The following SCARB1 variants were observed in gnomAD, a reference collection of about 807,000 sequenced individuals.
The protein encoded by SCARB1 is CD36 and LIMPII analogous 1.
A neutral mutation model predicts 57.2 loss-of-function variants in SCARB1; 30 were observed. The observed-to-expected ratio is 0.52, with a 90% CI of 0.39 to 0.71. The LOEUF is 0.71. Among genes scored for constraint, SCARB1 ranks in the 30% least tolerant of loss-of-function variants. The pLI is 0.00. For synonymous variants in SCARB1, 249 were observed against 268.3 expected (o/e 0.93, Z 0.70); for missense variants, 543 against 671.2 (o/e 0.81, Z 2.11).
chr12:124,821,322 C>G (rs1437398408), intron 1 of SCARB1: 1 of 964,644 alleles, frequency 1.0e-6, no homozygotes, highest in Admixed American at 6.2e-5. Context: ...CCCTCTCCCA[C>G]CTGGTTTCTC....
intron 1 of SCARB1, among the ~76,000 whole-genome samples, chr12:124,832,212 T>A (rs1951425018): frequency 6.6e-6 from 1 of 152,170 alleles, no homozygotes; most frequent in African/African-American, 2.4e-5. Flanking sequence ...TCTTCCCAAT[T>A]TTTCTGAAAG....
At position 124,789,778 on chromosome 12, in the gene SCARB1, C is replaced by T. The variant is rs373189945; in HGVS notation, c.1203-2321G>A. On this transcript the variant is annotated intron_variant, in intron 9 of 12. Coordinates refer to ENST00000261693, the MANE Select transcript of SCARB1 (RefSeq NM_005505.5). The surrounding 1 kb of genome is among the most constrained non-coding windows in gnomAD (Gnocchi z 4.4). ...CTGTAATCCCAGCACTTTGGGAGGC[C>T]GAGGCAGGTGGATCACAAGGTCAGG... Among the ~76,000 whole-genome samples the T allele has an allele frequency of 4.1e-3, 606 of 148,242 alleles. 3 individuals are homozygous for T. The highest frequency in any genetic ancestry group is 0.014 in the African/African-American group (556 of 40,214).
chr12:124,853,276 T>A (rs1952492785), intron 1 of SCARB1, among the ~76,000 whole-genome samples: 1 of 151,640 alleles, frequency 6.6e-6, no homozygotes, highest in African/African-American at 2.4e-5. Flanking sequence ...TGCAGTGGGG[T>A]GAGAATGCTG....
chr12:124,843,971 C>T (rs1426897476), intron 1 of SCARB1, among the ~76,000 whole-genome samples: 2 of 152,168 alleles, frequency 1.3e-5, no homozygotes, highest in Non-Finnish European at 2.9e-5. Context: ...GGAGGGTGAA[C>T]AGCAGTGGCC....
At chr12:124,790,249 A>G (rs1594199096) in intron 9 of SCARB1, among the ~76,000 whole-genome samples, 1 of 152,064 alleles carries the variant, frequency 6.6e-6, no homozygotes, top group East Asian at 1.9e-4. Flanking sequence ...ATGGTGGCAC[A>G]TGCCTGTAGT....
At chr12:124,836,653 A>G (rs4765624) in intron 1 of SCARB1, among the ~76,000 whole-genome samples, 92,384 of 151,698 alleles carry the variant, frequency 0.61, 28,566 homozygotes, top group East Asian at 0.72. Context: ...AATTTGCCAA[A>G]TGTGGTAGTG....
At chr12:124,860,162 G>C (rs189399704) in intron 1 of SCARB1, among the ~76,000 whole-genome samples, 1 of 152,136 alleles carries the variant, frequency 6.6e-6, no homozygotes, top group Non-Finnish European at 1.5e-5. Flanking sequence ...ATGTTGGCCA[G>C]GCTGGTCTCA....
At chr12:124,859,695 C>A (rs187703543) in intron 1 of SCARB1, among the ~76,000 whole-genome samples, 1 of 152,066 alleles carries the variant, frequency 6.6e-6, no homozygotes, top group Admixed American at 6.6e-5. Flanking sequence ...AATGGCAGGG[C>A]GCGGTGGTTC....
intron 1 of SCARB1, among the ~76,000 whole-genome samples, chr12:124,835,858 A>G (rs1421540684): frequency 6.6e-6 from 1 of 152,240 alleles, no homozygotes; most frequent in Non-Finnish European, 1.5e-5. Context: ...CACGTGGCCC[A>G]GCCCGCTGGA....
intron 11 of SCARB1, chr12:124,785,914 T>G: frequency 1.4e-6 from 1 of 714,068 alleles, no homozygotes; most frequent in South Asian, 2.1e-5. Context: ...AAATTATCTT[T>G]TCTGCTGATT....
At chr12:124,856,441 G>A (rs140126394) in intron 1 of SCARB1, among the ~76,000 whole-genome samples, 19 of 152,368 alleles carry the variant, frequency 1.2e-4, no homozygotes, top group African/African-American at 4.1e-4. Flanking sequence ...AAGACAGGGA[G>A]AGGCAAATCT....
Position 124,781,578 on chromosome 12 carries a change from G to A in SCARB1, c.*1105C>T, listed in dbSNP as rs139595644. ...CCAAGGAAACGCAGAACCCCCAGGG[G>A]CATCAGCCTATGTTCCCAGCAGATA... On this transcript the variant is annotated intron_variant, in intron 12 of 12. Transcript: ENST00000261693. Among the ~76,000 whole-genome samples, 12 of 152,222 alleles carry A rather than the reference G, an allele frequency of 7.9e-5. No homozygotes were observed. The East Asian group carries it at 2.1e-3, about 27-fold the overall frequency.
intron 1 of SCARB1, among the ~76,000 whole-genome samples, chr12:124,836,530 C>T (rs1276237431): frequency 1.3e-5 from 2 of 152,220 alleles, no homozygotes; most frequent in African/African-American, 4.8e-5. Flanking sequence ...TGGTGGCTCA[C>T]ACCTGTAATC....
At chr12:124,861,392 T>C (rs760692176) in intron 1 of SCARB1, among the ~76,000 whole-genome samples, 2 of 152,158 alleles carry the variant, frequency 1.3e-5, no homozygotes, top group African/African-American at 2.4e-5. Context: ...ACTTTTCATC[T>C]GCAGTTGATT....
chr12:124,811,038 C>T (rs149927889), intron 5 of SCARB1, among the ~76,000 whole-genome samples: 194 of 152,118 alleles, frequency 1.3e-3, no homozygotes, highest in African/African-American at 4.4e-3. Context: ...GAAAAGGTCA[C>T]GAAGGTGAAA....
chr12:124,820,689 G>C (rs562770555), intron 1 of SCARB1, among the ~76,000 whole-genome samples: 1 of 152,156 alleles, frequency 6.6e-6, no homozygotes, highest in Non-Finnish European at 1.5e-5. Context: ...TCCAGCTGCT[G>C]GTGCTCCCCC....
chr12:124,857,412 C>G (rs965711063), intron 1 of SCARB1, among the ~76,000 whole-genome samples: 22 of 152,232 alleles, frequency 1.4e-4, no homozygotes, highest in African/African-American at 5.3e-4. Context: ...GGCACAAACT[C>G]AGGGACAGCC....
At chr12:124,833,192 A>G (rs947188792) in intron 1 of SCARB1, among the ~76,000 whole-genome samples, 1 of 101,712 alleles carries the variant, frequency 9.8e-6, no homozygotes, top group Admixed American at 1.1e-4. Flanking sequence ...AAGATCCTTA[A>G]CTTTTTTTTT....
chr12:124,788,983 G>A (rs1018776325), intron 9 of SCARB1, among the ~76,000 whole-genome samples: 2 of 152,174 alleles, frequency 1.3e-5, no homozygotes, highest in African/African-American at 2.4e-5. Context: ...TGGTGGGTAC[G>A]GCTGGGGATG....
Sources: allele counts gnomAD v4.1 joint callset (sites outside exome capture counted in the v4.1 genomes callset), GRCh38; gene constraint gnomAD v4.1.1; non-coding constraint Gnocchi (gnomAD v3.1); transcripts MANE v1.5; gene names NCBI Gene and HGNC (gene_info 2026-07-23, HGNC 2026-07-21).